RHOBTB2: variants seen among roughly 807,000 people sequenced by gnomAD.
RHOBTB2 encodes rho-related BTB domain-containing protein 2.
RHOBTB2 carries 39 observed loss-of-function variants against 66.5 expected under a neutral mutation model. The ratio of observed to expected loss-of-function variants is 0.59; its 90% confidence interval spans 0.45 to 0.77. The LOEUF is 0.77. Ranked by LOEUF, RHOBTB2 falls within the 30% of genes least tolerant of loss-of-function variation. The pLI, the probability that RHOBTB2 is intolerant of heterozygous loss-of-function variation, is 0.00. For synonymous variants in RHOBTB2, 390 were observed against 395.0 expected (o/e 0.99, Z 0.15); for missense variants, 755 against 999.1 (o/e 0.76, Z 3.29).
intron 1 of RHOBTB2, among the ~76,000 whole-genome samples, chr8:23,003,604 C>T (rs567810512): frequency 6.7e-4 from 102 of 152,312 alleles, no homozygotes; most frequent in African/African-American, 2.2e-3. Context: ...AGGACAGCCC[C>T]CCGTAGGGGA....
Position 23,017,207 on chromosome 8 carries a change from T to C in RHOBTB2, c.1967-45T>C. On this transcript the variant is annotated intron_variant, in intron 9 of 9. Coordinates refer to ENST00000251822, the MANE Select transcript of RHOBTB2 (RefSeq NM_015178.3). This position sits in a 1 kb window ranked among gnomAD's most constrained non-coding sequence, Gnocchi z 5.3. Reference sequence around the variant, plus strand: ...GGGCTGGTGTCCCACGTTCCTCTTGTCCCTCTGCCTCCTTTCTAACCAAGC... The same window carrying C: ...GGGCTGGTGTCCCACGTTCCTCTTGCCCCTCTGCCTCCTTTCTAACCAAGC... The C allele has an allele frequency of 6.2e-7, 1 of 1,608,602 alleles. No homozygotes were observed.
the RHOBTB2 span, among the ~76,000 whole-genome samples, chr8:22,964,810 T>G: frequency 4.5e-4 from 68 of 150,480 alleles, no homozygotes; most frequent in Admixed American, 1.3e-3. Flanking sequence ...ATTTATTTAT[T>G]TATTTATTTA....
upstream of RHOBTB2, among the ~76,000 whole-genome samples, chr8:22,984,437 T>G (rs1459665007): frequency 6.6e-6 from 1 of 152,214 alleles, no homozygotes; most frequent in Non-Finnish European, 1.5e-5. Flanking sequence ...TTTTATGACT[T>G]AGATATGTGT....
chr8:22,995,838 C>T (rs766181603), upstream of RHOBTB2: 56 of 1,551,404 alleles, frequency 3.6e-5, no homozygotes, highest in Middle Eastern at 6.7e-4. Flanking sequence ...GGGTGGGCTC[C>T]GCAGAGGCTG....
At chr8:23,014,813 C>T (rs543948651) in intron 8 of RHOBTB2, 35 bp downstream of exon 8, 23 of 1,529,834 alleles carry the variant, frequency 1.5e-5, no homozygotes, top group South Asian at 5.6e-5. Context: ...ACAACAGTCT[C>T]AGTTCTACAC....
chr8:22,966,644 G>T, the RHOBTB2 span, among the ~76,000 whole-genome samples: 3 of 151,908 alleles, frequency 2.0e-5, no homozygotes, highest in East Asian at 1.9e-4. Context: ...GCGGGGTGGT[G>T]GGGGGAACAT....
chr8:22,998,026 CA>C (rs1223993719), upstream of RHOBTB2, among the ~76,000 whole-genome samples: 2 of 152,138 alleles, frequency 1.3e-5, no homozygotes, highest in Non-Finnish European at 2.9e-5. Flanking sequence ...AAGTAAGTAG[CA>C]CTGTCAGTCA....
chr8:22,960,503 G>C, the RHOBTB2 span, among the ~76,000 whole-genome samples: 1 of 151,992 alleles, frequency 6.6e-6, no homozygotes, highest in Non-Finnish European at 1.5e-5. Context: ...ATTTTTAGTA[G>C]AGGTGGGGTT....
upstream of RHOBTB2, among the ~76,000 whole-genome samples, chr8:22,982,884 C>T (rs377644353): frequency 5.2e-4 from 79 of 152,276 alleles, no homozygotes; most frequent in East Asian, 0.013. Flanking sequence ...TCACAGACAG[C>T]GCCTTCTGGC....
At chr8:22,967,727 A>C in the RHOBTB2 span, among the ~76,000 whole-genome samples, 13 of 137,944 alleles carry the variant, frequency 9.4e-5, no homozygotes, top group Admixed American at 9.6e-4. Context: ...GAGAGGGCAG[A>C]ATGGAGAGTT....
At position 22,999,581 on chromosome 8, in the gene RHOBTB2, T is replaced by G; in HGVS notation, c.-535T>G. The G allele has an allele frequency of 8.2e-7, 1 of 1,224,674 alleles. No homozygotes were observed. The highest frequency in any genetic ancestry group is 1.0e-6 in the Non-Finnish European group (1 of 963,684). 75.9% of individuals were successfully genotyped at this position (1,224,674 alleles called of 1,614,324 possible). A position where few individuals can be genotyped will look rare whatever the true frequency, so the allele number is the denominator to read the frequency against. ...TCACGGCTGTCGTCTTGGGTGCGAT[T>G]TTTTTCTCCTCCTTTTTTTACCCTC... On this transcript the variant is annotated 5_prime_UTR_variant, in exon 1 of 10. In the 5' UTR this introduces an upstream ATG that the reference lacks. Coordinates refer to ENST00000251822, the MANE Select transcript of RHOBTB2 (RefSeq NM_015178.3).
At chr8:23,008,353 A>G (rs2430816) in intron 6 of RHOBTB2, among the ~76,000 whole-genome samples, 130,967 of 152,160 alleles carry the variant, frequency 0.86, 56,460 homozygotes, top group East Asian at 0.96. Context: ...TTATCTCATT[A>G]AATTCACACG....
chr8:22,958,486 A>G, the RHOBTB2 span, among the ~76,000 whole-genome samples: 4 of 152,144 alleles, frequency 2.6e-5, no homozygotes, highest in African/African-American at 7.2e-5. Context: ...GGAAAGACAC[A>G]TATGAAATTA....
intron 1 of RHOBTB2, chr8:22,987,586 C>T (rs534486519): frequency 6.6e-6 from 1 of 152,578 alleles, no homozygotes; most frequent in Non-Finnish European, 1.5e-5. Context: ...TCCTTGGGCC[C>T]TTGCTCTGTG....
chr8:22,981,163 T>G, the RHOBTB2 span, among the ~76,000 whole-genome samples: 1 of 152,366 alleles, frequency 6.6e-6, no homozygotes, highest in Admixed American at 6.5e-5. Flanking sequence ...TTACATATTC[T>G]TTTCTTACGA....
chr8:22,970,190 C>T, the RHOBTB2 span, among the ~76,000 whole-genome samples: 2 of 152,172 alleles, frequency 1.3e-5, no homozygotes, highest in African/African-American at 4.8e-5. Flanking sequence ...AAGGCACCAG[C>T]AGGTTGCACA....
Position 23,015,717 on chromosome 8 carries a change from C to G in RHOBTB2, c.1940C>G (p.Pro647Arg), listed in dbSNP as rs766656037. 1 of 1,613,852 alleles carries G rather than the reference C, an allele frequency of 6.2e-7. No individual in the cohort carries two copies. The highest frequency in any genetic ancestry group is 1.1e-5 in the South Asian group (1 of 91,056). ...TACAACAACGTGTGCCGCAAGTTCC[C>G]CCGAGACATGAAGGCCATGTCCCCA... is the stretch of plus-strand genomic sequence containing the variant. Reference protein sequence around the residue: ...TNYNNVCRKFPRDMKAMSPEN... With the variant: ...TNYNNVCRKFRRDMKAMSPEN... Residue 647 changes from proline (P) to arginine (R), a missense_variant, in exon 9 of 10, where the codon CCC (proline) becomes CGC (arginine). Physicochemically the swap from Pro to Arg is moderately radical, Grantham distance 103. Coordinates refer to ENST00000251822, the MANE Select transcript of RHOBTB2 (RefSeq NM_015178.3).
At chr8:22,966,624 A>G in the RHOBTB2 span, among the ~76,000 whole-genome samples, 1 of 149,308 alleles carries the variant, frequency 6.7e-6, no homozygotes, top group East Asian at 1.9e-4. Context: ...CCATGAAAAG[A>G]AAAAAAAAAG....
In RHOBTB2 at chr8:22,999,966, G is replaced by C. The variant is rs902643311; in HGVS notation, c.-150G>C. The C allele has an allele frequency of 3.0e-6, 3 of 985,568 alleles. No individual in the cohort carries two copies. Among genetic ancestry groups the C allele is most frequent in the Admixed American group, 6.1e-5 (1 of 16,294 alleles). 61.1% of individuals were successfully genotyped at this position (985,568 alleles called of 1,614,324 possible). On this transcript the variant is annotated 5_prime_UTR_variant, in exon 1 of 10. Transcript: ENST00000251822. Reference sequence around the variant, plus strand: ...GCCGCGAGCTGGCCGGGAGGCTGGAGCCCAGCAGCAGCGCGGCGGCGCCGG... The same window carrying C: ...GCCGCGAGCTGGCCGGGAGGCTGGACCCCAGCAGCAGCGCGGCGGCGCCGG...
Sources: gnomAD v4.1 joint callset for allele counts (sites outside exome capture counted in the v4.1 genomes callset) on GRCh38, gnomAD v4.1.1 for gene constraint, Gnocchi (gnomAD v3.1) non-coding constraint, MANE v1.5 for transcripts, NCBI Gene and HGNC (gene_info 2026-07-23, HGNC 2026-07-21) for gene names.